Variants in COL28A1 observed in about 807,000 individuals in gnomAD.
COL28A1 encodes collagen alpha-1(XXVIII) chain.
COL28A1 carries 161 observed loss-of-function variants against 150.2 expected under a neutral mutation model. The observed-to-expected ratio is 1.07, with a 90% CI of 0.94 to 1.22. The LOEUF is 1.22. COL28A1 is among the 50% of genes most tolerant of loss of function. The pLI is 0.00. For synonymous variants in COL28A1, 552 were observed against 469.7 expected (o/e 1.18, Z -2.26); for missense variants, 1,617 against 1,388.3 (o/e 1.16, Z -2.62).
intron 27 of COL28A1, among the ~76,000 whole-genome samples, chr7:7,401,024 G>T (rs1356509021): frequency 7.1e-6 from 1 of 141,548 alleles, no homozygotes; most frequent in Admixed American, 7.2e-5. Context: ...GTGTGTGTGT[G>T]TACAGCTCTT....
chr7:7,511,019 G>A (rs1318711339), intron 9 of COL28A1, 72 bp downstream of exon 9: 4 of 1,221,674 alleles, frequency 3.3e-6, no homozygotes, highest in Non-Finnish European at 4.8e-6. Context: ...ATTCAGCCCA[G>A]GAATTTCCCC....
intron 2 of COL28A1, 28 bp downstream of exon 2, chr7:7,532,724 T>G (rs1562933819): frequency 1.3e-6 from 2 of 1,587,184 alleles, no homozygotes; most frequent in South Asian, 2.3e-5. Context: ...AGGCTAAACT[T>G]AAAAACAAAC....
At chr7:7,441,045 T>C (rs1416775817) in intron 20 of COL28A1, among the ~76,000 whole-genome samples, 184 bp from the exon 21 acceptor site, 1 of 152,228 alleles carries the variant, frequency 6.6e-6, no homozygotes, top group Non-Finnish European at 1.5e-5. Context: ...CTTCAGATTG[T>C]TCAGCCTTTA....
intron 32 of COL28A1, among the ~76,000 whole-genome samples, chr7:7,371,580 G>A (rs1419982202): frequency 6.6e-6 from 1 of 152,242 alleles, no homozygotes; most frequent in African/African-American, 2.4e-5. Context: ...GAAGGAGGAA[G>A]GATGAAGCCA....
chr7:7,373,834 G>C lies in COL28A1; in HGVS notation c.2360-288C>G, dbSNP rs1264763550. Among the ~76,000 whole-genome samples the C allele has an allele frequency of 6.6e-6, 1 of 151,302 alleles. No individual in the cohort carries two copies. Among genetic ancestry groups the C allele is most frequent in the Non-Finnish European group, 1.5e-5 (1 of 67,872 alleles). On this transcript the variant is annotated intron_variant, in intron 31 of 34. Transcript: ENST00000399429. The surrounding 1 kb of genome is among the most constrained non-coding windows in gnomAD (Gnocchi z 4.1). ...CCAGCCTCAGCCTCCCGAGTAGCTG[G>C]GACTACAGGCGCCCGCCACCTCGCC... is the stretch of plus-strand genomic sequence containing the variant.
At chr7:7,525,422 C>T (rs28565038) in intron 3 of COL28A1, among the ~76,000 whole-genome samples, 5,612 of 152,258 alleles carry the variant, frequency 0.037, 371 homozygotes, top group African/African-American at 0.13. Context: ...TGTTGGAAGA[C>T]AAACGCTGGA....
chr7:7,431,143 C>T (rs1784943087), intron 25 of COL28A1: 1 of 153,036 alleles, frequency 6.5e-6, no homozygotes, highest in South Asian at 2.1e-4. Flanking sequence ...TAAGCACGTA[C>T]AACATCTTTT....
chr7:7,431,751 G>A, intron 25 of COL28A1: 1 of 361,052 alleles, frequency 2.8e-6, no homozygotes, highest in South Asian at 2.2e-5. Context: ...GGACAGAGGT[G>A]GAACAGAGGG....
chr7:7,417,501 G>A (rs1313893387), intron 27 of COL28A1: 5 of 229,790 alleles, frequency 2.2e-5, no homozygotes, highest in Non-Finnish European at 3.1e-5. Flanking sequence ...GGGAAGGAGG[G>A]AGGGGGAGGG....
upstream of COL28A1, among the ~76,000 whole-genome samples, chr7:7,536,173 T>A (rs77212682): frequency 3.5e-4 from 53 of 152,292 alleles, no homozygotes; most frequent in East Asian, 2.3e-3. Context: ...TCTGAACATC[T>A]CTGTGAAGGA....
At chr7:7,384,307 C>T (rs1290039346) in intron 27 of COL28A1, among the ~76,000 whole-genome samples, 2 of 152,172 alleles carry the variant, frequency 1.3e-5, no homozygotes, top group Non-Finnish European at 2.9e-5. Context: ...AAGAGGAGTG[C>T]TTCCTCTGTT....
At chr7:7,401,175 C>T (rs907514209) in intron 27 of COL28A1, among the ~76,000 whole-genome samples, 1 of 151,982 alleles carries the variant, frequency 6.6e-6, no homozygotes, top group Admixed American at 6.6e-5. Context: ...TTCATTCTGT[C>T]TACCCCACTG....
chr7:7,390,183 TGA>T (rs1583274305), intron 27 of COL28A1, among the ~76,000 whole-genome samples: 1 of 152,230 alleles, frequency 6.6e-6, no homozygotes, highest in African/African-American at 2.4e-5. Flanking sequence ...CCTAGTTTAT[TGA>T]GAGTTTTTAG....
intron 33 of COL28A1, 142 bp downstream of exon 33, chr7:7,370,583 A>G: frequency 1.9e-6 from 1 of 516,950 alleles, no homozygotes; most frequent in Non-Finnish European, 3.3e-6. Context: ...TCTAGAGTCA[A>G]GATACTAACA....
intron 25 of COL28A1, 133 bp downstream of exon 25, chr7:7,432,340 A>G (rs1785030436): frequency 1.5e-6 from 1 of 676,764 alleles, no homozygotes; most frequent in South Asian, 1.9e-5. Flanking sequence ...TCTATAGATA[A>G]GGGCAAATAA....
intron 15 of COL28A1, among the ~76,000 whole-genome samples, chr7:7,465,528 A>AG (rs1328549381): frequency 7.3e-6 from 1 of 137,760 alleles, no homozygotes; most frequent in African/African-American, 2.7e-5. Flanking sequence ...AGGCTGGGGG[A>AG]GGGGCGCCCG....
rs138396964 is a variant in COL28A1, at chr7:7,438,688, G to C, written c.1723-1226C>G. On this transcript the variant is annotated intron_variant, in intron 21 of 34. Transcript: ENST00000399429. ...ATTTATATAAATTCATAACATATTA[G>C]TATGATAGCTTATAAACAGAAATTA... Among the ~76,000 whole-genome samples the C allele has an allele frequency of 1.6e-3, 242 of 152,024 alleles. 2 individuals carry two copies. The highest frequency in any genetic ancestry group is 5.4e-3 in the African/African-American group (223 of 41,408).
At chr7:7,392,733 A>G (rs1443006205) in intron 27 of COL28A1, among the ~76,000 whole-genome samples, 1 of 152,052 alleles carries the variant, frequency 6.6e-6, no homozygotes, top group Non-Finnish European at 1.5e-5. Flanking sequence ...TTGATCTTCA[A>G]TCTCTGATAT....
At chr7:7,433,392 T>G (rs140354310) in intron 23 of COL28A1, among the ~76,000 whole-genome samples, 1 of 151,980 alleles carries the variant, frequency 6.6e-6, no homozygotes, top group Non-Finnish European at 1.5e-5. Context: ...TCCCAGCACT[T>G]TGGGAAGCTG....
Sources: gnomAD v4.1 joint callset for allele counts (sites outside exome capture counted in the v4.1 genomes callset) on GRCh38, gnomAD v4.1.1 for gene constraint, Gnocchi (gnomAD v3.1) non-coding constraint, MANE v1.5 for transcripts, NCBI Gene and HGNC (gene_info 2026-07-23, HGNC 2026-07-21) for gene names.